The following MVB12B variants were observed in gnomAD, a reference collection of about 807,000 sequenced individuals.
MVB12B encodes the protein ESCRT-I complex subunit MVB12B.
In MVB12B, 16 loss-of-function variants were observed where a neutral mutation model predicts 41.6. The ratio of observed to expected loss-of-function variants is 0.38; its 90% confidence interval spans 0.26 to 0.58. The LOEUF (loss-of-function observed/expected upper bound fraction) is 0.58, where lower values mean the gene tolerates loss of function less well. Ranked by LOEUF, MVB12B falls within the 20% of genes least tolerant of loss-of-function variation. MVB12B has a pLI of 0.62. For synonymous variants in MVB12B, 133 were observed against 139.7 expected, an observed-to-expected ratio of 0.95 and a Z score of 0.34; for missense variants, 274 against 380.2, an observed-to-expected ratio of 0.72 and a Z score of 2.32.
chr9:126,423,186 C>T (rs912934599), intron 7 of MVB12B, among the ~76,000 whole-genome samples: 1 of 152,230 alleles, frequency 6.6e-6, no homozygotes, highest in African/African-American at 2.4e-5. Flanking sequence ...AGGGCGCCCC[C>T]ATTCAGAATG....
chr9:126,395,447 G>C lies in MVB12B; in HGVS notation c.540-128G>C. On this transcript the variant is annotated intron_variant, in intron 5 of 9. Transcript: ENST00000361171. This position sits in a 1 kb window ranked among gnomAD's most constrained non-coding sequence, Gnocchi z 4.9. ...AAGGAGACGGTGGAACCCATTTCAC[G>C]TGGAGGGCAAGAATTGATTCCCTGG... The C allele has an allele frequency of 2.6e-6, 3 of 1,144,844 alleles. No individual in the cohort carries two copies. Among genetic ancestry groups the C allele is most frequent in the South Asian group, 1.5e-5 (1 of 68,110 alleles). The allele number at this position is 1,144,844 out of a possible 1,614,324, so 70.9% of individuals were successfully genotyped here.
At chr9:126,499,589 C>G (rs544688714) in intron 9 of MVB12B, among the ~76,000 whole-genome samples, 2 of 152,186 alleles carry the variant, frequency 1.3e-5, no homozygotes, top group Admixed American at 6.5e-5. Context: ...GAAGCGGCCC[C>G]GTCTCCTGGG....
chr9:126,466,441 A>C (rs1193247037), intron 7 of MVB12B, among the ~76,000 whole-genome samples: 5 of 152,196 alleles, frequency 3.3e-5, no homozygotes, highest in Non-Finnish European at 7.3e-5. Flanking sequence ...GCCCAGATTC[A>C]AGGGGTGAAG....
rs555255081 is a variant in MVB12B, at chr9:126,417,021, C to T, written c.663-4833C>T. ...CCCTGGGGCCCAAACTGTTCATTCT[C>T]ATTAATGGGAAGCCTTGATGTGCCT... On this transcript the variant is annotated intron_variant, in intron 6 of 9. Coordinates refer to ENST00000361171, the MANE Select transcript of MVB12B (RefSeq NM_033446.3). 1.3e-4 allele frequency among the ~76,000 whole-genome samples: 20 copies of T among 152,340 alleles called. No homozygotes were observed. The South Asian group carries it at 3.3e-3, about 25-fold the overall frequency.
chr9:126,482,371 T>A (rs138292497), intron 8 of MVB12B, among the ~76,000 whole-genome samples: 9 of 152,392 alleles, frequency 5.9e-5, no homozygotes, highest in African/African-American at 2.2e-4. Flanking sequence ...GGCTTGCGAT[T>A]TGACCTGCTC....
At chr9:126,428,383 TG>T (rs1249951101) in intron 7 of MVB12B, among the ~76,000 whole-genome samples, 1 of 152,018 alleles carries the variant, frequency 6.6e-6, no homozygotes, top group Non-Finnish European at 1.5e-5. Context: ...CATCTTATGA[TG>T]AAAAAAATGT....
intron 2 of MVB12B, among the ~76,000 whole-genome samples, chr9:126,353,572 T>G (rs774432212): frequency 1.3e-5 from 2 of 152,206 alleles, no homozygotes; most frequent in Non-Finnish European, 2.9e-5. Context: ...TGTAATGTAT[T>G]TAACAGTGAC....
In MVB12B at chr9:126,428,732, G is replaced by T. The variant is rs539822678; in HGVS notation, c.757+6784G>T. Among the ~76,000 whole-genome samples, 3 of 152,264 alleles carry T rather than the reference G, an allele frequency of 2.0e-5. No homozygotes were observed. The East Asian group carries it at 5.8e-4, about 29-fold the overall frequency. On this transcript the variant is annotated intron_variant, in intron 7 of 9. Coordinates refer to ENST00000361171, the MANE Select transcript of MVB12B (RefSeq NM_033446.3). ...CATTCTGGGTGTGCCATGTGCCTGT[G>T]GTTCTCCTTTTCCCTGTGCTCGGGT...
At position 126,340,578 on chromosome 9, in the gene MVB12B, C is replaced by T. The variant is rs981167020; in HGVS notation, c.152C>T (p.Thr51Met). Residue 51 changes from threonine (T) to methionine (M), a missense_variant, in exon 2 of 10, where the codon ACG (threonine) becomes ATG (methionine). Coordinates refer to ENST00000361171, the MANE Select transcript of MVB12B (RefSeq NM_033446.3). This position sits in a 1 kb window ranked among gnomAD's most constrained non-coding sequence, Gnocchi z 4.0. ...ALPETSMDPI[T>M]GVGVVASRNR... The stretch of plus-strand genomic sequence containing the variant: ...CCAGAAACGTCAATGGATCCCATCA[C>T]GGGAGTCGGGGTGGTGGCTTCTCGG... 7 of 1,614,180 alleles carry T rather than the reference C, an allele frequency of 4.3e-6. No individual in the cohort carries two copies. The highest frequency in any genetic ancestry group is 5.1e-6 in the Non-Finnish European group (6 of 1,180,004).
At chr9:126,358,213 T>C (rs1426629905) in intron 2 of MVB12B, among the ~76,000 whole-genome samples, 2 of 152,208 alleles carry the variant, frequency 1.3e-5, no homozygotes, top group Non-Finnish European at 2.9e-5. Context: ...CTTTGATTAC[T>C]GTAGCTTTGT....
intron 6 of MVB12B, among the ~76,000 whole-genome samples, chr9:126,413,849 T>TGTGTGTGCGTGTGC (rs1554776184): frequency 6.7e-6 from 1 of 148,516 alleles, no homozygotes; most frequent in African/African-American, 2.5e-5. Context: ...TGTGTGTGTG[T>TGTGTGTGCGTGTGC]GTGTATAAGG....
intron 7 of MVB12B, among the ~76,000 whole-genome samples, chr9:126,445,761 G>T (rs1190573435): frequency 6.6e-6 from 1 of 152,014 alleles, no homozygotes; most frequent in Non-Finnish European, 1.5e-5. Context: ...CTCTCAAAGT[G>T]CTGGGATTAC....
rs932520520 is a variant in MVB12B at position 126,389,303 on chromosome 9, C to G, written c.409+2645C>G. Among the ~76,000 whole-genome samples, 1 of 152,188 alleles carries G rather than the reference C, an allele frequency of 6.6e-6. No homozygotes were observed. The highest frequency in any genetic ancestry group is 1.5e-5 in the Non-Finnish European group (1 of 68,038). Reference sequence around the variant, plus strand: ...CTGGCCACATAAGCCTTATGATCAGCTCTGTATCATCTGAGAGTATTCAAG... The same window carrying G: ...CTGGCCACATAAGCCTTATGATCAGGTCTGTATCATCTGAGAGTATTCAAG... On this transcript the variant is annotated intron_variant, in intron 4 of 9. Transcript: ENST00000361171. The surrounding 1 kb of genome is among the most constrained non-coding windows in gnomAD (Gnocchi z 4.4).
rs2118820455 is a variant in MVB12B, at chr9:126,340,099, C to T, written c.82-409C>T. ...TGGCTGTGGGTTTGGAAGTCTAGGC[C>T]TCCGTAGGAGAGATTGCAAGGGAGA... On this transcript the variant is annotated intron_variant, in intron 1 of 9. Transcript: ENST00000361171. The surrounding 1 kb of genome is among the most constrained non-coding windows in gnomAD (Gnocchi z 4.0). Among the ~76,000 whole-genome samples the T allele has an allele frequency of 6.6e-6, 1 of 152,162 alleles. No homozygotes were observed. The highest frequency in any genetic ancestry group is 1.9e-4 in the East Asian group (1 of 5,168).
intron 2 of MVB12B, among the ~76,000 whole-genome samples, chr9:126,342,387 G>T (rs568231164): frequency 7.9e-5 from 12 of 152,314 alleles, no homozygotes; most frequent in African/African-American, 2.9e-4. Flanking sequence ...GTGGCAGATG[G>T]CCTTTGATAG....
chr9:126,393,780 C>T (rs969496747), intron 5 of MVB12B, among the ~76,000 whole-genome samples: 2 of 152,244 alleles, frequency 1.3e-5, no homozygotes, highest in African/African-American at 2.4e-5. Flanking sequence ...TCTTCCCTGG[C>T]CAGGGCTGGC....
chr9:126,491,080 A>G (rs1248570598), intron 9 of MVB12B, among the ~76,000 whole-genome samples: 1 of 152,226 alleles, frequency 6.6e-6, no homozygotes, highest in Non-Finnish European at 1.5e-5. Flanking sequence ...TGTGCGTTGA[A>G]AAATGGGGCT....
rs771584382 is a variant in MVB12B at position 126,420,413 on chromosome 9, G to A, written c.663-1441G>A. 3.9e-5 allele frequency among the ~76,000 whole-genome samples: 6 copies of A among 152,252 alleles called. No individual in the cohort carries two copies. In the South Asian group the frequency reaches 8.3e-4, roughly 21 times the overall value. Reference sequence around the variant, plus strand: ...CTGGCTGGGCTGTGGCTGAGTGTCCGCCATGAGCTATCACTCTGTGGCTAG... The same window carrying A: ...CTGGCTGGGCTGTGGCTGAGTGTCCACCATGAGCTATCACTCTGTGGCTAG... On this transcript the variant is annotated intron_variant, in intron 6 of 9. Transcript: ENST00000361171.
At chr9:126,481,501 C>CT in intron 8 of MVB12B, 77 bp downstream of exon 8, 4 of 1,089,318 alleles carry the variant, frequency 3.7e-6, no homozygotes, top group Non-Finnish European at 5.7e-6. Context: ...TTACACAGCA[C>CT]GCAGGGCTGT....
Sources: allele counts gnomAD v4.1 joint callset (sites outside exome capture counted in the v4.1 genomes callset), GRCh38; gene constraint gnomAD v4.1.1; non-coding constraint Gnocchi (gnomAD v3.1); transcripts MANE v1.5; gene names NCBI Gene and HGNC (gene_info 2026-07-23, HGNC 2026-07-21).